Variants in DNAH9 observed in about 807,000 individuals in gnomAD.
DNAH9 encodes the protein dynein axonemal heavy chain 9.
A neutral mutation model predicts 471.6 loss-of-function variants in DNAH9; 345 were observed. The ratio of observed to expected loss-of-function variants is 0.73; its 90% confidence interval spans 0.67 to 0.80. The LOEUF is 0.80. Ranked by LOEUF, DNAH9 falls within the 30% of genes least tolerant of loss-of-function variation. The pLI is 0.00. For synonymous variants in DNAH9, 2,093 were observed against 2,123.6 expected, an observed-to-expected ratio of 0.99 and a Z score of 0.40; for missense variants, 5,407 against 5,609.2, an observed-to-expected ratio of 0.96 and a Z score of 1.15.
intron 43 of DNAH9, among the ~76,000 whole-genome samples, chr17:11,805,627 A>G (rs1969643878): frequency 7.7e-6 from 1 of 130,290 alleles, no homozygotes; most frequent in South Asian, 2.4e-4. Flanking sequence ...GGCTCACTGT[A>G]ACCTGTAACC....
At chr17:11,740,446 T>C (rs1329158496) in intron 29 of DNAH9, among the ~76,000 whole-genome samples, 1 of 152,126 alleles carries the variant, frequency 6.6e-6, no homozygotes, top group Non-Finnish European at 1.5e-5. Context: ...GGCGGCCACC[T>C]TCTTGCTGTA....
At position 11,608,132 on chromosome 17, in the gene DNAH9, G is replaced by A; in HGVS notation, c.421G>A (p.Val141Ile). ...EHLAALFSEV[V>I]LPVLANEKNR... The stretch of plus-strand genomic sequence containing the variant: ...TTCCTGTGCACCTCTGTTCCAGGTT[G>A]TTCTACCCGTCCTGGCCAATGAGAA... The change falls in exon 2 of 69, where the codon GTT becomes ATT. Residue 141 changes from valine to isoleucine, a missense_variant. Val to Ile is a conservative substitution (Grantham distance 29). Coordinates refer to ENST00000262442, the MANE Select transcript of DNAH9 (RefSeq NM_001372.4). The A allele has an allele frequency of 6.3e-7, 1 of 1,592,074 alleles. No homozygotes were observed. The highest frequency in any genetic ancestry group is 8.6e-7 in the Non-Finnish European group (1 of 1,165,106).
chr17:11,888,068 T>C (rs550009927), intron 57 of DNAH9, among the ~76,000 whole-genome samples: 14 of 151,940 alleles, frequency 9.2e-5, no homozygotes, highest in East Asian at 1.9e-4. Context: ...CTGCAAGCTC[T>C]GCCTCCCGGG....
At chr17:11,905,592 A>G (rs544727275) in intron 60 of DNAH9, 69 bp from the exon 61 acceptor site, 13 of 1,527,338 alleles carry the variant, frequency 8.5e-6, no homozygotes, top group East Asian at 4.5e-5. Flanking sequence ...ATAGGCCTCT[A>G]TTTCTCAAAT....
At chr17:11,824,321 G>T (rs73980505) in intron 48 of DNAH9, among the ~76,000 whole-genome samples, 1,977 of 152,164 alleles carry the variant, frequency 0.013, 51 homozygotes, top group African/African-American at 0.045. Context: ...TTGTCCTTTT[G>T]CCCCTCTTCA....
At chr17:11,725,123 A>G (rs1028282282) in intron 27 of DNAH9, among the ~76,000 whole-genome samples, 1 of 152,238 alleles carries the variant, frequency 6.6e-6, no homozygotes, top group African/African-American at 2.4e-5. Flanking sequence ...GCAGCTGTCA[A>G]TACAGATGAA....
intron 68 of DNAH9, among the ~76,000 whole-genome samples, chr17:11,964,258 G>A (rs1976498872): frequency 3.9e-5 from 6 of 152,044 alleles, no homozygotes; most frequent in Admixed American, 3.9e-4. Context: ...GATTGCATTA[G>A]GTATAAGGTG....
chr17:11,731,645 C>A (rs867685030), intron 28 of DNAH9, among the ~76,000 whole-genome samples: 2 of 147,860 alleles, frequency 1.4e-5, no homozygotes, highest in Admixed American at 7.0e-5. Context: ...TGAGAACATG[C>A]GGTGTTTGGT....
intron 28 of DNAH9, among the ~76,000 whole-genome samples, chr17:11,731,570 C>G (rs1412645491): frequency 4.9e-5 from 6 of 122,388 alleles, no homozygotes; most frequent in African/African-American, 1.8e-4. Flanking sequence ...CAACAACAGG[C>G]CCCAGTGTGT....
intron 14 of DNAH9, among the ~76,000 whole-genome samples, chr17:11,661,845 TA>T (rs2073770523): frequency 6.6e-6 from 1 of 152,138 alleles, no homozygotes; most frequent in African/African-American, 2.4e-5. Context: ...TTTTTACTTT[TA>T]AAATTTAAGA....
intron 9 of DNAH9, among the ~76,000 whole-genome samples, chr17:11,639,817 T>C (rs145875952): frequency 0.011 from 1,709 of 152,250 alleles, 30 homozygotes; most frequent in African/African-American, 0.038. Flanking sequence ...GCCTGATCAA[T>C]ATGGTGAAAC....
chr17:11,827,972 A>C (rs1970556422), intron 48 of DNAH9, among the ~76,000 whole-genome samples: 1 of 151,946 alleles, frequency 6.6e-6, no homozygotes, highest in Non-Finnish European at 1.5e-5. Flanking sequence ...TCACACCTAC[A>C]CCCAAACCAT....
At chr17:11,908,841 A>G (rs1366909501) in intron 61 of DNAH9, among the ~76,000 whole-genome samples, 1 of 152,218 alleles carries the variant, frequency 6.6e-6, no homozygotes, top group Admixed American at 6.5e-5. Context: ...CCGGGTGTTT[A>G]TCACAATTAA....
intron 21 of DNAH9, 31 bp downstream of exon 21, chr17:11,694,029 T>C (rs373217326): frequency 2.6e-5 from 41 of 1,604,216 alleles, no homozygotes; most frequent in Non-Finnish European, 3.5e-5. Flanking sequence ...CCTTCTCTAA[T>C]AAGAAGGCAT....
intron 50 of DNAH9, among the ~76,000 whole-genome samples, chr17:11,859,190 A>C (rs1017237840): frequency 1.3e-5 from 2 of 151,712 alleles, no homozygotes; most frequent in Non-Finnish European, 2.9e-5. Flanking sequence ...AGACAGGTGT[A>C]TCACCTGAGC....
At chr17:11,754,292 G>A (rs116596739) in intron 33 of DNAH9, among the ~76,000 whole-genome samples, 2,060 of 152,162 alleles carry the variant, frequency 0.014, 48 homozygotes, top group African/African-American at 0.047. Flanking sequence ...AAACATTTGC[G>A]TTCATATGTC....
At chr17:11,680,007 A>T in intron 18 of DNAH9, 28 bp downstream of exon 18, 1 of 1,560,770 alleles carries the variant, frequency 6.4e-7, no homozygotes, top group South Asian at 1.1e-5. Context: ...TTCCTTATAA[A>T]AGAAATAGAG....
intron 19 of DNAH9, among the ~76,000 whole-genome samples, chr17:11,685,087 T>G (rs2074215802): frequency 6.6e-6 from 1 of 152,148 alleles, no homozygotes; most frequent in African/African-American, 2.4e-5. Flanking sequence ...TTTCCTGACC[T>G]CAAGGACTTA....
At chr17:11,798,021 A>G (rs894523205) in intron 43 of DNAH9, among the ~76,000 whole-genome samples, 9 of 152,128 alleles carry the variant, frequency 5.9e-5, no homozygotes, top group Admixed American at 2.0e-4. Flanking sequence ...CAGGTCCGCC[A>G]TTTGCTATCC....
Sources: allele counts gnomAD v4.1 joint callset (sites outside exome capture counted in the v4.1 genomes callset), GRCh38; gene constraint gnomAD v4.1.1; transcripts MANE v1.5; gene names NCBI Gene and HGNC (gene_info 2026-07-23, HGNC 2026-07-21).